ANKRD35: variants seen among roughly 807,000 people sequenced by gnomAD.
ANKRD35 encodes ankyrin repeat domain-containing protein 35.
Under a neutral mutation model 109.9 loss-of-function variants are expected in ANKRD35, and 102 were observed. The observed-to-expected ratio is 0.93, with a 90% CI of 0.79 to 1.09. The LOEUF (loss-of-function observed/expected upper bound fraction) is 1.09. ANKRD35 is among the 50% of genes least tolerant of loss of function. The probability of loss-of-function intolerance (pLI) is 0.00; values close to 1 mark genes in which losing one functional copy is unlikely to be tolerated. For missense variants in ANKRD35, 1,240 were observed against 1,230.1 expected, an observed-to-expected ratio of 1.01 and a Z score of -0.12; for synonymous variants, 515 against 512.4, an observed-to-expected ratio of 1.01 and a Z score of -0.07.
At chr1:145,871,725 C>T (rs1312547972) in intron 10 of ANKRD35, among the ~76,000 whole-genome samples, 5 of 152,152 alleles carry the variant, frequency 3.3e-5, no homozygotes, top group Non-Finnish European at 7.3e-5. Context: ...GAGCACACTG[C>T]TTCTGAATCT....
intron 2 of ANKRD35, 68 bp from the exon 3 acceptor site, chr1:145,878,547 T>C (rs1015850400): frequency 3.5e-6 from 5 of 1,435,530 alleles, no homozygotes; most frequent in Middle Eastern, 3.5e-4. Flanking sequence ...AGAATCTTGA[T>C]AAGCCCTTCT....
In ANKRD35 at chr1:145,872,811, T is replaced by C. The variant is rs1653890962; in HGVS notation, c.1958A>G (p.Gln653Arg). The change falls in exon 10 of 14, where the codon CAG becomes CGG. Residue 653 changes from glutamine to arginine, a missense_variant. Coordinates refer to ENST00000355594, the MANE Select transcript of ANKRD35 (RefSeq NM_144698.5). ...CTGTGGCTTGGGCACAAACTCCCGCTGCAGCCGCTGGCTCAGGGACTGTAG... is the reference window on the plus strand; with the variant it reads ...CTGTGGCTTGGGCACAAACTCCCGCCGCAGCCGCTGGCTCAGGGACTGTAG... ...RELQSLSQRL[Q>R]REFVPKPQAQ... is the part of the protein sequence containing the mutation. 6.2e-7 allele frequency: 1 copy of C among 1,613,968 alleles called. No homozygotes were observed. The highest frequency in any genetic ancestry group is 1.1e-5 in the South Asian group (1 of 91,088).
intron 1 of ANKRD35, among the ~76,000 whole-genome samples, chr1:145,882,116 G>A (rs1488249657): frequency 3.3e-5 from 5 of 150,180 alleles, no homozygotes; most frequent in East Asian, 2.0e-4. Flanking sequence ...CACCACACCC[G>A]GATAATTTTT....
chr1:145,871,972 A>T lies in ANKRD35; in HGVS notation c.2787+10T>A. On this transcript the variant is annotated intron_variant, in intron 10 of 13. Transcript: ENST00000355594. ...CCCCAGTGCTCCCCAGGGCTACCTC[A>T]GCTGCTCACCTTGGCTTCCTTGTCT... 1 of 1,608,576 alleles carries T rather than the reference A, an allele frequency of 6.2e-7. No individual in the cohort carries two copies.
rs1330695405 is a variant in ANKRD35, at chr1:145,871,989, TCCTTGTCTCGGCAAGC to T, written c.2764_2779del (p.Ala922LysfsTer8). On this transcript the variant is annotated frameshift_variant, in exon 10 of 14. Transcript: ENST00000355594. LOFTEE classifies it high-confidence loss of function. ...GCTACCTCAGCTGCTCACCTTGGCT[TCCTTGTCTCGGCAAGC>T]CCCAATGAGATGCTCCATCTTCTCT... 1 of 1,610,822 alleles carries T rather than the reference TCCTTGTCTCGGCAAGC, an allele frequency of 6.2e-7. No homozygotes were observed. Among genetic ancestry groups the T allele is most frequent in the Non-Finnish European group, 8.5e-7 (1 of 1,179,942 alleles).
In ANKRD35 at chr1:145,873,217, T is replaced by TGACC. The variant is rs1553739274; in HGVS notation, c.1548_1551dup (p.Met518GlyfsTer12). ...CGGGGAGTCCCCAGGGCTCCCTCCA[T>TGACC]GACCGGTCTTGACAAAGCCCCCCGG... is the stretch of plus-strand genomic sequence containing the variant. On this transcript the variant is annotated frameshift_variant, in exon 10 of 14. Transcript: ENST00000355594. LOFTEE classifies it high-confidence loss of function. 5.6e-6 allele frequency: 9 copies of TGACC among 1,613,982 alleles called. No individual in the cohort carries two copies. The South Asian group carries it at 7.7e-5, about 14-fold the overall frequency.
chr1:145,883,916 TC>T (rs2101721194), intron 1 of ANKRD35, among the ~76,000 whole-genome samples: 2 of 152,334 alleles, frequency 1.3e-5, no homozygotes, highest in Admixed American at 1.3e-4. Flanking sequence ...CCAACTTACT[TC>T]CCATAATCTC....
rs1553740681 is a variant in ANKRD35, at chr1:145,879,255, T to C, written c.170+3A>G. On this transcript the variant is annotated splice_donor_region_variant and intron_variant, in intron 2 of 13. Transcript: ENST00000355594. ...AGGGGCAGGGGCAGGAGGACTGACT[T>C]ACGGGGACTGGCCATTCGAGTCAAG... 2 of 1,602,388 alleles carry C rather than the reference T, an allele frequency of 1.2e-6. No individual in the cohort carries two copies. The highest frequency in any genetic ancestry group is 2.2e-5 in the South Asian group (2 of 89,022).
intron 8 of ANKRD35, 66 bp downstream of exon 8, chr1:145,874,756 A>G: frequency 6.8e-7 from 1 of 1,461,734 alleles, no homozygotes; most frequent in East Asian, 2.4e-5. Context: ...TTCCATGGAA[A>G]CAAATGGGAC....
In ANKRD35 at chr1:145,873,841, C is replaced by A. The variant is rs972549417; in HGVS notation, c.928G>T (p.Val310Phe). Residue 310 changes from valine to phenylalanine, a missense_variant, in exon 10 of 14, where the codon GTT becomes TTT. By Grantham distance (50) the Val-to-Phe change is conservative. Transcript: ENST00000355594. ...WKYEEERRKV[V>F]RLEQELVQKT... ...TGCACCAGCTCCTGCTCCAGCCGAA[C>A]AACTTTCCTCCGCTCCTCTTCATAC... The A allele has an allele frequency of 6.2e-7, 1 of 1,612,290 alleles. No homozygotes were observed.
intron 1 of ANKRD35, among the ~76,000 whole-genome samples, chr1:145,884,154 T>C (rs720899): frequency 0.25 from 38,243 of 152,128 alleles, 6,048 homozygotes; most frequent in East Asian, 0.38. Flanking sequence ...TCCACAAACC[T>C]GTAAGGGAAA....
At chr1:145,871,020 GATA>G (rs2101702870) in intron 10 of ANKRD35, among the ~76,000 whole-genome samples, 1 of 152,078 alleles carries the variant, frequency 6.6e-6, no homozygotes, top group East Asian at 1.9e-4. Flanking sequence ...TGTGTAAATT[GATA>G]TTTAGAGTTC....
In ANKRD35 at chr1:145,872,063, G is replaced by C; in HGVS notation, c.2706C>G (p.Ser902=). 2 of 1,613,622 alleles carry C rather than the reference G, an allele frequency of 1.2e-6. No homozygotes were observed. The highest frequency in any genetic ancestry group is 1.7e-6 in the Non-Finnish European group (2 of 1,179,910). The part of the protein sequence containing the change: ...ERQASEMRGR[S]EQFEKTAELL... ...GCTCTGCCGTTTTCTCAAACTGCTC[G>C]GAGCGCCCCCGCATCTCGCTGGCCT... Residue 902 remains serine, a synonymous_variant, in exon 10 of 14, where the codon TCC becomes TCG. Coordinates refer to ENST00000355594, the MANE Select transcript of ANKRD35 (RefSeq NM_144698.5).
intron 2 of ANKRD35, among the ~76,000 whole-genome samples, 172 bp from the exon 3 acceptor site, chr1:145,878,651 A>G (rs1219667353): frequency 6.6e-6 from 1 of 152,244 alleles, no homozygotes; most frequent in Non-Finnish European, 1.5e-5. Flanking sequence ...TATGGCCTCC[A>G]ATCACAAAGG....
At chr1:145,883,419 T>A (rs1654364986) in intron 1 of ANKRD35, among the ~76,000 whole-genome samples, 1 of 152,182 alleles carries the variant, frequency 6.6e-6, no homozygotes, top group Non-Finnish European at 1.5e-5. Context: ...TCTCTTCTGG[T>A]CTACTTCTGG....
chr1:145,882,313 T>C (rs1654322172), intron 1 of ANKRD35, among the ~76,000 whole-genome samples: 1 of 148,400 alleles, frequency 6.7e-6, no homozygotes, highest in Non-Finnish European at 1.5e-5. Flanking sequence ...TTTTTTTTTT[T>C]TGAGACAGAG....
In ANKRD35 at chr1:145,877,904, A is replaced by C; in HGVS notation, c.324+64T>G. On this transcript the variant is annotated intron_variant, in intron 4 of 13. Coordinates refer to ENST00000355594, the MANE Select transcript of ANKRD35 (RefSeq NM_144698.5). ...AACTATTCCTTTTAAGTATGAAATG[A>C]AGTTAGAAAACTCTGGGACCACTTC... 8 of 1,496,558 alleles carry C rather than the reference A, an allele frequency of 5.3e-6. No homozygotes were observed. In the South Asian group the frequency reaches 9.1e-5, roughly 17 times the overall value. 92.7% of individuals were successfully genotyped at this position (1,496,558 alleles called of 1,614,324 possible). A position where few individuals can be genotyped will look rare whatever the true frequency, so the allele number is the denominator to read the frequency against.
Position 145,879,364 on chromosome 1 carries a change from G to A in ANKRD35, c.64C>T (p.Gln22Ter). The A allele has an allele frequency of 6.3e-7, 1 of 1,594,110 alleles. No homozygotes were observed. Among genetic ancestry groups the A allele is most frequent in the Non-Finnish European group, 8.5e-7 (1 of 1,170,160 alleles). Residue 22 changes from glutamine (Q) to a stop codon, truncating the protein, a stop_gained, in exon 2 of 14, where the codon CAG (glutamine) becomes TAG (stop). Transcript: ENST00000355594. LOFTEE classifies it high-confidence loss of function. ...CTGTGCACTGCCTCCAGCAGCTTCT[G>A]ATCATGGCGGTTCCATCTCTCCACC... ...VAVERWNRHD[Q>*]KLLEAVHRGD... is the part of the protein sequence containing the mutation.
chr1:145,873,426 C>G lies in ANKRD35; in HGVS notation c.1343G>C (p.Gly448Ala), dbSNP rs1294551504. The G allele has an allele frequency of 1.9e-6, 3 of 1,614,056 alleles. No homozygotes were observed. Among genetic ancestry groups the G allele is most frequent in the Non-Finnish European group, 2.5e-6 (3 of 1,179,996 alleles). ...ATGATCAGGGCCAAAGGTCTGTGCCCCATTGGTAGTCAGTTGCTGTCCTGT... is the reference window on the plus strand; with the variant it reads ...ATGATCAGGGCCAAAGGTCTGTGCCGCATTGGTAGTCAGTTGCTGTCCTGT... ...KATGQQLTTNGAQTFGPDHAD... is the reference protein window; with the variant it reads ...KATGQQLTTNAAQTFGPDHAD... The change falls in exon 10 of 14, where the codon GGG (glycine) becomes GCG (alanine). Residue 448 changes from glycine (G) to alanine (A), a missense_variant. Coordinates refer to ENST00000355594, the MANE Select transcript of ANKRD35 (RefSeq NM_144698.5).
Sources: gnomAD v4.1 joint callset for allele counts (sites outside exome capture counted in the v4.1 genomes callset) on GRCh38, gnomAD v4.1.1 for gene constraint, MANE v1.5 for transcripts, NCBI Gene and HGNC (gene_info 2026-07-23, HGNC 2026-07-21) for gene names.